Variants in SPTLC2 observed in about 807,000 individuals in gnomAD.
SPTLC2 encodes the protein serine palmitoyltransferase 2.
SPTLC2 carries 21 observed loss-of-function variants against 62.0 expected under a neutral mutation model. The ratio of observed to expected loss-of-function variants is 0.34; its 90% confidence interval spans 0.24 to 0.49. The LOEUF is 0.49. Ranked by LOEUF, SPTLC2 falls within the 20% of genes least tolerant of loss-of-function variation. SPTLC2 has a pLI of 0.99. For missense variants in SPTLC2, 511 were observed against 713.0 expected (o/e 0.72, Z 3.23); for synonymous variants, 261 against 261.8 (o/e 1.00, Z 0.03).
chr14:77,608,791 C>T (rs1376136869), intron 1 of SPTLC2, among the ~76,000 whole-genome samples: 1 of 151,924 alleles, frequency 6.6e-6, no homozygotes, highest in Non-Finnish European at 1.5e-5. Flanking sequence ...TGGTAGGTCA[C>T]GCCTGTAATT....
chr14:77,583,385 T>C (rs1193938227), intron 2 of SPTLC2, among the ~76,000 whole-genome samples: 2 of 152,108 alleles, frequency 1.3e-5, no homozygotes, highest in Non-Finnish European at 2.9e-5. Flanking sequence ...AGGTTAACTT[T>C]AAACACTCTA....
At chr14:77,564,400 TACAC>T (rs6145397) in intron 5 of SPTLC2, among the ~76,000 whole-genome samples, 2,750 of 139,258 alleles carry the variant, frequency 0.02, 34 homozygotes, top group South Asian at 0.049. Flanking sequence ...TATGCATGCA[TACAC>T]ACACACACAC....
chr14:77,565,580 A>T (rs187184784), intron 5 of SPTLC2, among the ~76,000 whole-genome samples: 2 of 152,266 alleles, frequency 1.3e-5, no homozygotes, highest in Admixed American at 6.5e-5. Flanking sequence ...TAACAACACA[A>T]CAGACAGACC....
In SPTLC2 at chr14:77,506,235, A is replaced by C. The variant is rs1326346327; in HGVS notation, c.*6049T>G. On this transcript the variant is annotated 3_prime_UTR_variant, in exon 12 of 12. Coordinates refer to ENST00000216484, the MANE Select transcript of SPTLC2 (RefSeq NM_004863.4). The stretch of plus-strand genomic sequence containing the variant: ...GAGAGTGACATTTTAACACATTACT[A>C]AAATGTTTAAGCTTTTATTTACACA... 1 of 152,242 alleles carries C rather than the reference A, an allele frequency of 6.6e-6. No homozygotes were observed. Among genetic ancestry groups the C allele is most frequent in the African/African-American group, 2.4e-5 (1 of 41,458 alleles). The allele number at this position is 152,242 out of a possible 1,614,324, so 9.4% of individuals were successfully genotyped here.
chr14:77,616,457 GGCGGCT>G lies in SPTLC2; in HGVS notation c.117_122del (p.Ala41_Ala42del), dbSNP rs577436926. 2.8e-4 allele frequency: 409 copies of G among 1,485,876 alleles called. 2 individuals are homozygous for G. In the African/African-American group the frequency reaches 4.5e-3, roughly 16 times the overall value. 92.0% of individuals were successfully genotyped at this position (1,485,876 alleles called of 1,614,324 possible). A position where few individuals can be genotyped will look rare whatever the true frequency, so the allele number is the denominator to read the frequency against. ...CGCGGGCCCCTCGTACCTGGCCGGC[GGCGGCT>G]GCGGCTGCGGCTGCAGCGCTGCTCC... On this transcript the variant is annotated inframe_deletion, in exon 1 of 12. Coordinates refer to ENST00000216484, the MANE Select transcript of SPTLC2 (RefSeq NM_004863.4).
chr14:77,552,867 T>TAAACAC (rs2079563137), intron 8 of SPTLC2, among the ~76,000 whole-genome samples: 1 of 151,882 alleles, frequency 6.6e-6, no homozygotes, highest in Admixed American at 6.6e-5. Flanking sequence ...ACAAGGTGTT[T>TAAACAC]GGATTGCTTT....
At chr14:77,569,866 A>ACAATATTATATATATG (rs1456816806) in intron 5 of SPTLC2, among the ~76,000 whole-genome samples, 1 of 33,400 alleles carries the variant, frequency 3.0e-5, no homozygotes. Flanking sequence ...ATATAAATAT[A>ACAATATTATATATATG]TAAACACAGG....
intron 9 of SPTLC2, among the ~76,000 whole-genome samples, chr14:77,548,043 A>C (rs536459152): frequency 1.3e-5 from 2 of 152,242 alleles, no homozygotes; most frequent in South Asian, 4.2e-4. Flanking sequence ...TGCTCAGGGT[A>C]GTCTTTTTTC....
chr14:77,550,532 G>A (rs1054245195), intron 9 of SPTLC2, among the ~76,000 whole-genome samples: 12 of 152,052 alleles, frequency 7.9e-5, no homozygotes, highest in African/African-American at 2.9e-4. Flanking sequence ...CCAAGATCAT[G>A]CCATTGCACT....
chr14:77,558,249 T>A (rs986748240), intron 6 of SPTLC2, among the ~76,000 whole-genome samples: 17 of 152,268 alleles, frequency 1.1e-4, no homozygotes, highest in Non-Finnish European at 2.4e-4. Context: ...TTTCACCATG[T>A]TGGCCAGGCT....
intron 5 of SPTLC2, among the ~76,000 whole-genome samples, chr14:77,569,137 T>C (rs918776978): frequency 2.0e-5 from 3 of 152,174 alleles, no homozygotes; most frequent in African/African-American, 7.2e-5. Context: ...ACCAGAAATA[T>C]TTCTTGCTCT....
At chr14:77,602,330 C>T (rs2079882486) in intron 1 of SPTLC2, among the ~76,000 whole-genome samples, 3 of 152,150 alleles carry the variant, frequency 2.0e-5, no homozygotes, top group Admixed American at 2.0e-4. Context: ...ACCATCCTAA[C>T]CCTCCCTCTC....
intron 9 of SPTLC2, among the ~76,000 whole-genome samples, chr14:77,529,927 T>C (rs1250486689): frequency 3.3e-5 from 5 of 152,170 alleles, no homozygotes; most frequent in Admixed American, 3.3e-4. Flanking sequence ...CTTTGGTTAC[T>C]ACATCTCTAA....
chr14:77,534,702 G>A (rs1044268773), intron 9 of SPTLC2, among the ~76,000 whole-genome samples: 1 of 151,020 alleles, frequency 6.6e-6, no homozygotes, highest in African/African-American at 2.4e-5. Context: ...ACACAAAAAG[G>A]GGAGAACATA....
chr14:77,524,384 TA>T (rs76646494), intron 9 of SPTLC2, among the ~76,000 whole-genome samples: 11 of 149,742 alleles, frequency 7.3e-5, no homozygotes, highest in East Asian at 3.9e-4. Flanking sequence ...CCACCACCTT[TA>T]AAAAAAAATC....
At chr14:77,557,660 G>A (rs1289707357) in intron 6 of SPTLC2, among the ~76,000 whole-genome samples, 2 of 152,110 alleles carry the variant, frequency 1.3e-5, no homozygotes, top group Non-Finnish European at 2.9e-5. Context: ...CTCAATAAAC[G>A]CTTGTTAAAG....
intron 5 of SPTLC2, among the ~76,000 whole-genome samples, chr14:77,567,444 G>A (rs944335034): frequency 1.3e-5 from 2 of 152,210 alleles, no homozygotes; most frequent in South Asian, 2.1e-4. Flanking sequence ...GGACAGCAAC[G>A]TATTATAACG....
chr14:77,507,265 G>A lies in SPTLC2; in HGVS notation c.*5019C>T, dbSNP rs1013381540. 6.6e-6 allele frequency: 1 copy of A among 151,948 alleles called. No homozygotes were observed. Among genetic ancestry groups the A allele is most frequent in the African/African-American group, 2.4e-5 (1 of 41,390 alleles). The allele number at this position is 151,948 out of a possible 1,614,324, so 9.4% of individuals were successfully genotyped here. A position where few individuals can be genotyped will look rare whatever the true frequency, so the allele number is the denominator to read the frequency against. On this transcript the variant is annotated 3_prime_UTR_variant, in exon 12 of 12. Transcript: ENST00000216484. ...GCACTAGCATTTATTCTGTGTGATA[G>A]GGAAGCCAGCCCTCTAATTTGGCTC...
intron 10 of SPTLC2, among the ~76,000 whole-genome samples, chr14:77,520,574 G>A (rs1218822234): frequency 6.6e-6 from 1 of 152,174 alleles, no homozygotes; most frequent in East Asian, 1.9e-4. Flanking sequence ...ATACTAAGCA[G>A]GTCACTCCTT....
Sources: gnomAD v4.1 joint callset for allele counts (sites outside exome capture counted in the v4.1 genomes callset) on GRCh38, gnomAD v4.1.1 for gene constraint, MANE v1.5 for transcripts, NCBI Gene and HGNC (gene_info 2026-07-23, HGNC 2026-07-21) for gene names.